The following PRELID3A variants were observed in gnomAD, a reference collection of about 807,000 sequenced individuals.
PRELID3A encodes the protein PRELI domain containing protein 3A.
PRELID3A carries 27 observed loss-of-function variants against 23.0 expected under a neutral mutation model. The ratio of observed to expected loss-of-function variants is 1.17; its 90% CI spans 0.87 to 1.62. The LOEUF (loss-of-function observed/expected upper bound fraction) is 1.62. Ranked by LOEUF, PRELID3A falls within the 40% of genes most tolerant of loss-of-function variation. PRELID3A has a pLI of 0.00. For synonymous variants in PRELID3A, 87 were observed against 86.4 expected, an observed-to-expected ratio of 1.01 and a Z score of -0.04; for missense variants, 231 against 231.4, an observed-to-expected ratio of 1.00 and a Z score of 0.01.
At chr18:12,420,534 C>T in intron 2 of PRELID3A, 41 bp downstream of exon 2, 1 of 1,463,626 alleles carries the variant, frequency 6.8e-7, no homozygotes, top group East Asian at 2.6e-5. Context: ...GCGCCCGACT[C>T]CCCCACTCCC....
intron 3 of PRELID3A, among the ~76,000 whole-genome samples, chr18:12,426,269 T>C (rs1485356932): frequency 6.9e-6 from 1 of 144,856 alleles, no homozygotes; most frequent in African/African-American, 2.6e-5. Flanking sequence ...AAAAAGAAAA[T>C]ATAGGCCGGG....
In PRELID3A at chr18:12,427,222, A is replaced by T; in HGVS notation, c.364A>T (p.Thr122Ser). ...YTPHPENPEM[T>S]VLTQEAIITV... ...CCTTTTCTTCTTGCTCTTTTGCAGG[A>T]CCGTGCTCACACAAGAAGCCATCAT... Residue 122 changes from threonine (T) to serine (S), a missense_variant and splice_region_variant, in exon 5 of 7, where the codon ACC (threonine) becomes TCC (serine). Coordinates refer to ENST00000440960, the MANE Select transcript of PRELID3A (RefSeq NM_001142405.2). The T allele has an allele frequency of 1.2e-6, 2 of 1,614,022 alleles. No homozygotes were observed. Among genetic ancestry groups the T allele is most frequent in the South Asian group, 2.2e-5 (2 of 91,050 alleles).
At chr18:12,411,415 G>A (rs1388651690) in intron 1 of PRELID3A, among the ~76,000 whole-genome samples, 6 of 140,160 alleles carry the variant, frequency 4.3e-5, no homozygotes, top group Admixed American at 2.4e-4. Flanking sequence ...GCAGTGAGCC[G>A]AGATCGCGCC....
intron 3 of PRELID3A, among the ~76,000 whole-genome samples, chr18:12,424,347 GCCCGATGA>G (rs2030288938): frequency 1.3e-5 from 2 of 152,214 alleles, no homozygotes; most frequent in African/African-American, 4.8e-5. Context: ...TCGCTGGATG[GCCCGATGA>G]CTTGGGGATG....
chr18:12,421,420 C>A (rs1251334888), intron 2 of PRELID3A, 120 bp from the exon 3 acceptor site: 8 of 703,148 alleles, frequency 1.1e-5, no homozygotes, highest in Non-Finnish European at 2.0e-5. Context: ...CTGTCCCTTG[C>A]TGCATCCCAT....
chr18:12,419,524 G>A (rs558393152), intron 1 of PRELID3A, among the ~76,000 whole-genome samples: 15 of 152,136 alleles, frequency 9.9e-5, no homozygotes, highest in African/African-American at 3.6e-4. Context: ...AGCTACTAGA[G>A]AGGCTGAGGC....
rs1568163311 is a variant in PRELID3A at position 12,420,558 on chromosome 18, C to G, written c.201+65C>G. 5.6e-6 allele frequency: 8 copies of G among 1,422,942 alleles called. 1 individual carries two copies. In the Middle Eastern group the frequency reaches 9.4e-4, roughly 166 times the overall value. 88.1% of individuals were successfully genotyped at this position (1,422,942 alleles called of 1,614,324 possible). On this transcript the variant is annotated intron_variant, in intron 2 of 6. Transcript: ENST00000440960. ...TCCCCCACTCCCGCCCCCGCCCTCT[C>G]CCGCGTCCCTCCTCCCCTCATCAGT...
intron 2 of PRELID3A, chr18:12,421,253 C>T: frequency 2.5e-6 from 1 of 401,540 alleles, no homozygotes; most frequent in East Asian, 5.1e-5. Flanking sequence ...GCCCAGACTC[C>T]GCCCGGCAGA....
At chr18:12,418,456 TTTTC>T in intron 1 of PRELID3A, among the ~76,000 whole-genome samples, 1 of 152,212 alleles carries the variant, frequency 6.6e-6, no homozygotes. Context: ...CCAGTTTAAT[TTTTC>T]AAGATGTGTG....
At chr18:12,418,759 C>A (rs2030042199) in intron 1 of PRELID3A, among the ~76,000 whole-genome samples, 1 of 152,182 alleles carries the variant, frequency 6.6e-6, no homozygotes, top group African/African-American at 2.4e-5. Flanking sequence ...GGGGGAAGGT[C>A]CATGCTGGAC....
At chr18:12,426,917 A>T (rs2030397436) in intron 3 of PRELID3A, 124 bp from the exon 4 acceptor site, 1 of 675,106 alleles carries the variant, frequency 1.5e-6, no homozygotes, top group African/African-American at 1.8e-5. Context: ...CGTATCTCCT[A>T]TGCCTAAAAG....
chr18:12,430,702 G>C (rs1320045237), intron 6 of PRELID3A, among the ~76,000 whole-genome samples: 1 of 150,260 alleles, frequency 6.7e-6, no homozygotes, highest in Non-Finnish European at 1.5e-5. Context: ...TGCTGTGTGT[G>C]AATGTGTGTA....
chr18:12,420,083 C>T (rs1269583449), intron 1 of PRELID3A: 8 of 1,373,590 alleles, frequency 5.8e-6, no homozygotes, highest in Admixed American at 3.0e-5. Context: ...GCCTGCTGGG[C>T]GACAGAGTGA....
chr18:12,420,784 C>T (rs1225333118), intron 2 of PRELID3A, among the ~76,000 whole-genome samples: 1 of 17,464 alleles, frequency 5.7e-5, no homozygotes, highest in South Asian at 1.8e-3. Flanking sequence ...TCCTCGAGAT[C>T]GGGGGTCACG....
chr18:12,412,745 A>C (rs1909959124), intron 1 of PRELID3A, among the ~76,000 whole-genome samples: 7 of 152,126 alleles, frequency 4.6e-5, no homozygotes, highest in Admixed American at 4.6e-4. Flanking sequence ...ATTTAGCAAA[A>C]CCCTAAACAG....
chr18:12,413,707 C>G (rs1403666442), intron 1 of PRELID3A, among the ~76,000 whole-genome samples: 1 of 152,168 alleles, frequency 6.6e-6, no homozygotes, highest in East Asian at 1.9e-4. Context: ...CCTCAGCCTC[C>G]CAAATAGCTG....
Position 12,418,117 on chromosome 18 carries a change from A to C in PRELID3A, c.33-2208A>C, listed in dbSNP as rs138102220. Among the ~76,000 whole-genome samples, 46 of 152,322 alleles carry C rather than the reference A, an allele frequency of 3.0e-4. No homozygotes were observed. In the East Asian group the frequency reaches 5.4e-3, roughly 18 times the overall value. ...TCTGTTATATTGAAAATTGACCTCA[A>C]ATATGGAAGAAAAAACTTCAGTATC... On this transcript the variant is annotated intron_variant, in intron 1 of 6. Coordinates refer to ENST00000440960, the MANE Select transcript of PRELID3A (RefSeq NM_001142405.2).
intron 1 of PRELID3A, among the ~76,000 whole-genome samples, chr18:12,412,155 G>T (rs1451560162): frequency 6.6e-6 from 1 of 150,992 alleles, no homozygotes. Context: ...CTCCCAAAGT[G>T]CTGGGATTAC....
chr18:12,409,099 C>T (rs980280185), intron 1 of PRELID3A, among the ~76,000 whole-genome samples: 37 of 148,670 alleles, frequency 2.5e-4, no homozygotes, highest in Non-Finnish European at 3.1e-4. Flanking sequence ...AAATTGTCAT[C>T]CTTTGACTCT....
Sources: gnomAD v4.1 joint callset for allele counts (sites outside exome capture counted in the v4.1 genomes callset) on GRCh38, gnomAD v4.1.1 for gene constraint, MANE v1.5 for transcripts, NCBI Gene and HGNC (gene_info 2026-07-23, HGNC 2026-07-21) for gene names.